FAM47E: variants seen among roughly 807,000 people sequenced by gnomAD.
FAM47E encodes family with sequence similarity 47 member E, also known as protein FAM47E.
FAM47E carries 32 observed loss-of-function variants against 41.6 expected under a neutral mutation model. The ratio of observed to expected loss-of-function variants is 0.77; its 90% CI spans 0.58 to 1.03. The LOEUF is 1.03. Among genes scored for constraint, FAM47E ranks in the 50% least tolerant of loss-of-function variants. The pLI is 0.00. For missense variants in FAM47E, 424 were observed against 485.4 expected (o/e 0.87, Z 1.19); for synonymous variants, 184 against 188.7 (o/e 0.98, Z 0.20).
At chr4:76,219,807 C>T (rs185257061) in intron 2 of FAM47E, among the ~76,000 whole-genome samples, 43 of 152,172 alleles carry the variant, frequency 2.8e-4, no homozygotes, top group Non-Finnish European at 4.7e-4. Context: ...CTAACCTGGT[C>T]CCCGCATGAC....
At chr4:76,217,629 G>A (rs545838272) in exon 2 of FAM47E, 12 of 648,300 alleles carry the variant, frequency 1.9e-5, no homozygotes, top group South Asian at 7.0e-5. Context: ...TGTGCCGTGC[G>A]TCTTGTCCAG....
intron 2 of FAM47E, among the ~76,000 whole-genome samples, chr4:76,221,810 C>T (rs1733313686): frequency 6.6e-6 from 1 of 152,206 alleles, no homozygotes; most frequent in South Asian, 2.1e-4. Flanking sequence ...GGGTATCATG[C>T]TCACTACCTG....
chr4:76,225,629 C>T (rs762899589), intron 2 of FAM47E, among the ~76,000 whole-genome samples: 19 of 152,186 alleles, frequency 1.2e-4, no homozygotes, highest in Non-Finnish European at 2.6e-4. Flanking sequence ...GCTTTTTCTG[C>T]ATCTATTGAG....
intron 7 of FAM47E, chr4:76,281,774 G>A (rs1430309388): frequency 1.3e-5 from 2 of 152,142 alleles, no homozygotes; most frequent in African/African-American, 4.8e-5. Context: ...GGCTATTGCA[G>A]GATCTGGCCA....
chr4:76,268,526 C>G (rs542511251), intron 3 of FAM47E, 134 bp from the exon 4 acceptor site: 1 of 843,516 alleles, frequency 1.2e-6, no homozygotes, highest in East Asian at 2.9e-5. Flanking sequence ...AATTAAAATA[C>G]AATTTGTATG....
intron 2 of FAM47E, among the ~76,000 whole-genome samples, chr4:76,261,443 T>C (rs1043911691): frequency 3.9e-5 from 6 of 152,086 alleles, no homozygotes; most frequent in South Asian, 2.1e-4. Context: ...CAATGATGGA[T>C]TGGGTAAAGA....
At chr4:76,265,609 T>TTATTCATA (rs79452868) in intron 3 of FAM47E, among the ~76,000 whole-genome samples, 89,414 of 151,300 alleles carry the variant, frequency 0.59, 26,684 homozygotes, top group Middle Eastern at 0.65. Flanking sequence ...ATGCTTTTTG[T>TTATTCATA]TATTCATAAG....
In FAM47E at chr4:76,224,237, C is replaced by T. The variant is rs114842685; in HGVS notation, c.81+6549C>T. On this transcript the variant is annotated intron_variant, in intron 2 of 7. Transcript: ENST00000510197. The stretch of plus-strand genomic sequence containing the variant: ...GCACCATTGTCACACATAGTTCATC[C>T]GAAATTCACGGGATAATTGGGCTGG... Among the ~76,000 whole-genome samples the T allele has an allele frequency of 5.3e-3, 814 of 152,264 alleles. 7 individuals carry two copies. Among genetic ancestry groups the T allele is most frequent in the African/African-American group, 0.018 (766 of 41,540 alleles).
At chr4:76,277,601 C>T (rs1735182120) in intron 5 of FAM47E, among the ~76,000 whole-genome samples, 2 of 151,926 alleles carry the variant, frequency 1.3e-5, no homozygotes, top group African/African-American at 4.8e-5. Flanking sequence ...TGGGCTCACA[C>T]TATTTAATAA....
At chr4:76,261,165 A>G (rs1296726278) in intron 2 of FAM47E, among the ~76,000 whole-genome samples, 3 of 152,184 alleles carry the variant, frequency 2.0e-5, no homozygotes, top group Non-Finnish European at 4.4e-5. Flanking sequence ...ATTGAAATAA[A>G]AAAAATAACA....
chr4:76,219,830 C>T (rs1216999485), intron 2 of FAM47E, among the ~76,000 whole-genome samples: 1 of 152,144 alleles, frequency 6.6e-6, no homozygotes, highest in Non-Finnish European at 1.5e-5. Context: ...CTAACCACTG[C>T]ACTCACCACA....
intron 3 of FAM47E, among the ~76,000 whole-genome samples, chr4:76,266,667 C>T (rs555850888): frequency 3.3e-5 from 5 of 152,274 alleles, no homozygotes; most frequent in South Asian, 2.1e-4. Context: ...TAAGTCAAGT[C>T]GTGTCATTCC....
rs534514154 is a variant in FAM47E, at chr4:76,260,968, T to G, written c.421-2736T>G. Among the ~76,000 whole-genome samples the G allele has an allele frequency of 1.6e-3, 234 of 150,174 alleles. No individual in the cohort carries two copies. The Middle Eastern group carries it at 0.017, about 11-fold the overall frequency. ...TTGCACTTCAACCTGGGTGACAGAGTGTGAGACCCTGTCTCAAAAAAAAAA... is the reference window on the plus strand; with the variant it reads ...TTGCACTTCAACCTGGGTGACAGAGGGTGAGACCCTGTCTCAAAAAAAAAA... On this transcript the variant is annotated intron_variant, in intron 2 of 7. Transcript: ENST00000424749.
At chr4:76,274,465 C>T (rs1181079366) in intron 5 of FAM47E, among the ~76,000 whole-genome samples, 1 of 152,136 alleles carries the variant, frequency 6.6e-6, no homozygotes, top group African/African-American at 2.4e-5. Flanking sequence ...CCTGTAGTCC[C>T]AGCTACTTGG....
At chr4:76,283,305 G>A (rs1244977607) in intron 7 of FAM47E, 76 bp from the exon 8 acceptor site, 2 of 772,418 alleles carry the variant, frequency 2.6e-6, no homozygotes, top group African/African-American at 1.8e-5. Context: ...GTTAGATATG[G>A]TAGTGGTTGT....
At chr4:76,276,398 C>T (rs1331050673) in intron 5 of FAM47E, among the ~76,000 whole-genome samples, 12 of 89,702 alleles carry the variant, frequency 1.3e-4, no homozygotes, top group Non-Finnish European at 3.0e-4. Context: ...GGGGAGACAG[C>T]GTCTCACTCT....
chr4:76,263,087 T>C (rs1387039906), intron 2 of FAM47E, among the ~76,000 whole-genome samples: 9 of 151,996 alleles, frequency 5.9e-5, no homozygotes, highest in African/African-American at 1.7e-4. Flanking sequence ...TTTTGATTGA[T>C]TTTGTCAAAA....
upstream of FAM47E, among the ~76,000 whole-genome samples, chr4:76,250,059 C>T (rs1189166501): frequency 2.0e-5 from 3 of 152,102 alleles, no homozygotes; most frequent in African/African-American, 2.4e-5. Context: ...ACTTTTCTTC[C>T]TCTGGGTAGA....
chr4:76,248,727 C>T (rs1487157189), upstream of FAM47E, among the ~76,000 whole-genome samples: 1 of 152,062 alleles, frequency 6.6e-6, no homozygotes, highest in Non-Finnish European at 1.5e-5. Flanking sequence ...TTGATAATTG[C>T]TCTATATGGT....
Sources: allele counts gnomAD v4.1 joint callset (sites outside exome capture counted in the v4.1 genomes callset), GRCh38; gene constraint gnomAD v4.1.1; transcripts MANE v1.5; gene names NCBI Gene and HGNC (gene_info 2026-07-23, HGNC 2026-07-21).